The following PCNT variants were observed in gnomAD, a reference collection of about 807,000 sequenced individuals.
PCNT encodes the protein pericentrin, also known as kendrin.
PCNT carries 319 observed loss-of-function variants against 380.4 expected under a neutral mutation model. The observed-to-expected ratio is 0.84, with a 90% CI of 0.77 to 0.92. The LOEUF (loss-of-function observed/expected upper bound fraction) is 0.92, where lower values mean the gene tolerates loss of function less well. PCNT is among the 40% of genes least tolerant of loss of function. The pLI, the probability that PCNT is intolerant of heterozygous loss-of-function variation, is 0.00. For missense variants in PCNT, 4,400 were observed against 4,255.3 expected (o/e 1.03, Z -0.95); for synonymous variants, 1,845 against 1,735.2 (o/e 1.06, Z -1.57).
Position 46,389,339 on chromosome 21 carries a change from C to T in PCNT, c.3748C>T (p.Arg1250Trp), listed in dbSNP as rs117987006. The change falls in exon 19 of 47, where the codon CGG (arginine) becomes TGG (tryptophan). Residue 1250 changes from arginine (R) to tryptophan (W), a missense_variant. Coordinates refer to ENST00000359568, the MANE Select transcript of PCNT (RefSeq NM_006031.6). ...CTTTCTCATGAGCCCAGAAAGTGTG[C>T]GGGAGTGTGAGCAGCCCATCCGGAG... Reference protein sequence around the residue: ...ESFLMSPESVRECEQPIRRVF... With the variant: ...ESFLMSPESVWECEQPIRRVF... 3,653 of 1,614,182 alleles carry T rather than the reference C, an allele frequency of 2.3e-3. 5 individuals carry two copies. Among genetic ancestry groups the T allele is most frequent in the Non-Finnish European group, 2.4e-3 (2,824 of 1,180,036 alleles).
rs866284327 is a variant in PCNT, at chr21:46,444,052, A to C, written c.9839+104A>C. The C allele has an allele frequency of 4.5e-5, 55 of 1,232,056 alleles. No individual in the cohort carries two copies. The Middle Eastern group carries it at 1.4e-3, about 31-fold the overall frequency. 76.3% of individuals were successfully genotyped at this position (1,232,056 alleles called of 1,614,324 possible). ...TTTAGTTCTGGCTTTGGCCCAGCCCAGGGCAAGGCAGGAAACTCTCCAGCG... is the reference window on the plus strand; with the variant it reads ...TTTAGTTCTGGCTTTGGCCCAGCCCCGGGCAAGGCAGGAAACTCTCCAGCG... On this transcript the variant is annotated intron_variant, in intron 45 of 46. Transcript: ENST00000359568.
intron 21 of PCNT, among the ~76,000 whole-genome samples, chr21:46,396,113 G>A (rs965292420): frequency 1.1e-4 from 16 of 152,252 alleles, no homozygotes; most frequent in African/African-American, 3.6e-4. Context: ...ATAAAATGGA[G>A]GCTTCAGGAC....
At chr21:46,432,562 G>A (rs1395245456) in intron 38 of PCNT, among the ~76,000 whole-genome samples, 1 of 152,216 alleles carries the variant, frequency 6.6e-6, no homozygotes, top group African/African-American at 2.4e-5. Flanking sequence ...ATTGCTCTGG[G>A]TAGTATTGAC....
At chr21:46,332,594 C>T (rs909495951) in intron 2 of PCNT, among the ~76,000 whole-genome samples, 10 of 152,196 alleles carry the variant, frequency 6.6e-5, no homozygotes, top group African/African-American at 2.2e-4. Flanking sequence ...CTTTTCGTCC[C>T]TCACTTCCTC....
At chr21:46,365,050 C>T (rs1358302493) in intron 14 of PCNT, among the ~76,000 whole-genome samples, 2 of 152,254 alleles carry the variant, frequency 1.3e-5, no homozygotes, top group African/African-American at 4.8e-5. Context: ...TGAGGACTCT[C>T]CCTGCCTCTG....
chr21:46,338,068 A>C (rs566049098), intron 3 of PCNT, among the ~76,000 whole-genome samples: 1 of 152,142 alleles, frequency 6.6e-6, no homozygotes, highest in South Asian at 2.1e-4. Flanking sequence ...TTGTAGAGAC[A>C]GGGTCTCACT....
intron 21 of PCNT, among the ~76,000 whole-genome samples, chr21:46,396,696 C>T (rs569167822): frequency 8.0e-4 from 122 of 152,308 alleles, no homozygotes; most frequent in African/African-American, 2.7e-3. Context: ...CTCCATCTCC[C>T]GGATTCAAGT....
intron 15 of PCNT, among the ~76,000 whole-genome samples, chr21:46,374,408 A>C (rs759585726): frequency 6.6e-6 from 1 of 152,110 alleles, no homozygotes; most frequent in Non-Finnish European, 1.5e-5. Context: ...ATCAGGATCT[A>C]TTTGTTCCTG....
At chr21:46,349,453 C>G (rs1204485741) in intron 7 of PCNT, among the ~76,000 whole-genome samples, 1 of 152,132 alleles carries the variant, frequency 6.6e-6, no homozygotes, top group Non-Finnish European at 1.5e-5. Context: ...TGTGGTTGTT[C>G]ACTTTTCATA....
intron 25 of PCNT, 69 bp downstream of exon 25, chr21:46,399,865 C>A: frequency 1.5e-6 from 2 of 1,377,570 alleles, no homozygotes; most frequent in South Asian, 1.2e-5. Flanking sequence ...CATCGCTGAG[C>A]TGGCAGGGAG....
Position 46,354,046 on chromosome 21 carries a change from A to G in PCNT, c.1739A>G (p.Glu580Gly), listed in dbSNP as rs1475809843. The change falls in exon 11 of 47, where the codon GAA becomes GGA. Residue 580 changes from glutamate to glycine, a missense_variant. Physicochemically the swap from Glu to Gly is moderately conservative, Grantham distance 98. Transcript: ENST00000359568. ...PEKGRKDHVD[E>G]LEPERHKESL... ...AAAGGAAGAAAAGATCACGTTGATG[A>G]ACTCGAGCCTGAGCGACATAAGGTA... 6.2e-7 allele frequency: 1 copy of G among 1,613,982 alleles called. No homozygotes were observed. The highest frequency in any genetic ancestry group is 1.3e-5 in the African/African-American group (1 of 74,912).
chr21:46,411,245 G>A lies in PCNT; in HGVS notation c.5172G>A (p.Leu1724=), dbSNP rs2086773953. 1.2e-6 allele frequency: 2 copies of A among 1,614,166 alleles called. No individual in the cohort carries two copies. The highest frequency in any genetic ancestry group is 1.7e-6 in the Non-Finnish European group (2 of 1,180,022). Residue 1724 remains leucine (L), a synonymous_variant, in exon 28 of 47, where the codon CTG becomes CTA. Coordinates refer to ENST00000359568, the MANE Select transcript of PCNT (RefSeq NM_006031.6). The stretch of plus-strand genomic sequence containing the variant: ...AGCTGAAAGCCACTATTGAAAATCT[G>A]CAAGAGAATCAGAAACGATTACAAA... ...IEELKATIEN[L]QENQKRLQKE...
At chr21:46,440,015 G>C (rs2053564252) in intron 41 of PCNT, 68 bp from the exon 42 acceptor site, 1 of 1,597,826 alleles carries the variant, frequency 6.3e-7, no homozygotes. Context: ...CCTGCCCCCG[G>C]CTGCGTCTCT....
chr21:46,374,045 T>C lies in PCNT; in HGVS notation c.3165+6906T>C, dbSNP rs529761509. 2.6e-5 allele frequency among the ~76,000 whole-genome samples: 4 copies of C among 152,262 alleles called. No homozygotes were observed. The East Asian group carries it at 5.8e-4, about 22-fold the overall frequency. On this transcript the variant is annotated intron_variant, in intron 15 of 46. Transcript: ENST00000359568. ...GCCCGGCCGCTCAGATACTCTTTTA[T>C]GTGATTGTTTTGGTGTAGCTGATTT...
At chr21:46,364,117 C>T (rs537153489) in intron 14 of PCNT, among the ~76,000 whole-genome samples, 183 bp downstream of exon 14, 9 of 151,936 alleles carry the variant, frequency 5.9e-5, no homozygotes, top group East Asian at 3.9e-4. Context: ...GCTTTGTGCT[C>T]GGACGGGCAG....
chr21:46,355,344 G>A, intron 11 of PCNT, 108 bp from the exon 12 acceptor site: 1 of 1,176,124 alleles, frequency 8.5e-7, no homozygotes, highest in Non-Finnish European at 1.3e-6. Context: ...TGAACCTAGT[G>A]AGGTTTGAGT....
chr21:46,426,446 G>A (rs1407270778), intron 33 of PCNT, among the ~76,000 whole-genome samples: 1 of 152,222 alleles, frequency 6.6e-6, no homozygotes, highest in East Asian at 1.9e-4. Flanking sequence ...GGACGTGGAG[G>A]TGTGTGGGGG....
At position 46,431,868 on chromosome 21, in the gene PCNT, G is replaced by A; in HGVS notation, c.8404G>A (p.Val2802Met). The change falls in exon 38 of 47, where the codon GTG becomes ATG. Residue 2802 changes from valine (V) to methionine (M), a missense_variant. Val to Met is a conservative substitution (Grantham distance 21, BLOSUM62 1). Transcript: ENST00000359568. ...GCTGAAGGAGGAGAAGTCCCGGGTG[G>A]TGGACTTGCAAGCGATGCTTGAAAA... ...QKLKEEKSRVVDLQAMLEKVQ... is the reference protein window; with the variant it reads ...QKLKEEKSRVMDLQAMLEKVQ... 1 of 1,614,056 alleles carries A rather than the reference G, an allele frequency of 6.2e-7. No homozygotes were observed. Among genetic ancestry groups the A allele is most frequent in the Non-Finnish European group, 8.5e-7 (1 of 1,180,030 alleles).
intron 3 of PCNT, among the ~76,000 whole-genome samples, chr21:46,335,373 T>A (rs2083700891): frequency 6.6e-6 from 1 of 152,226 alleles, no homozygotes; most frequent in Non-Finnish European, 1.5e-5. Context: ...AAGTTTGGAA[T>A]TGACTACTTT....
Sources: gnomAD v4.1 joint callset for allele counts (sites outside exome capture counted in the v4.1 genomes callset) on GRCh38, gnomAD v4.1.1 for gene constraint, MANE v1.5 for transcripts, NCBI Gene and HGNC (gene_info 2026-07-23, HGNC 2026-07-21) for gene names.